The following PAX5 variants were observed in gnomAD, a reference collection of about 807,000 sequenced individuals.
The protein encoded by PAX5 is paired box 5, also known as paired box protein Pax-5.
Under a neutral mutation model 43.7 loss-of-function variants are expected in PAX5, and 9 were observed. The ratio of observed to expected loss-of-function variants is 0.21; its 90% CI spans 0.12 to 0.36. The LOEUF (loss-of-function observed/expected upper bound fraction) is 0.36. Ranked by LOEUF, PAX5 falls within the 10% of genes least tolerant of loss-of-function variation. PAX5 has a pLI of 1.00. For missense variants in PAX5, 383 were observed against 532.7 expected, an observed-to-expected ratio of 0.72 and a Z score of 2.77; for synonymous variants, 228 against 214.3, an observed-to-expected ratio of 1.06 and a Z score of -0.56.
intron 7 of PAX5, among the ~76,000 whole-genome samples, chr9:36,910,744 G>A (rs989301727): frequency 6.6e-6 from 1 of 152,140 alleles, no homozygotes; most frequent in Non-Finnish European, 1.5e-5. Flanking sequence ...TTGAGGTAGT[G>A]AAATCCCCAA....
intron 4 of PAX5, 64 bp downstream of exon 4, chr9:37,006,408 TA>T: frequency 8.3e-7 from 1 of 1,202,924 alleles, no homozygotes; most frequent in Non-Finnish European, 1.2e-6. Context: ...TAAGAATGAT[TA>T]AAAGTTCTTT....
At chr9:36,879,622 T>C (rs565211350) in intron 8 of PAX5, among the ~76,000 whole-genome samples, 119 of 152,288 alleles carry the variant, frequency 7.8e-4, no homozygotes, top group African/African-American at 2.7e-3. Context: ...TCCTGCAAGC[T>C]GCACAGCCCC....
intron 8 of PAX5, among the ~76,000 whole-genome samples, chr9:36,876,408 G>A (rs1260820250): frequency 6.6e-6 from 1 of 152,180 alleles, no homozygotes; most frequent in African/African-American, 2.4e-5. Context: ...TGGGCCATGA[G>A]GGATGGGGCA....
intron 1 of PAX5, 141 bp from the exon 2 acceptor site, chr9:37,020,942 T>A: frequency 1.3e-6 from 1 of 770,336 alleles, no homozygotes; most frequent in Non-Finnish European, 2.1e-6. Flanking sequence ...AGTCCAATCG[T>A]GCAAACTACA....
intron 2 of PAX5, among the ~76,000 whole-genome samples, chr9:37,020,413 T>C (rs556468013): frequency 6.6e-6 from 1 of 152,288 alleles, no homozygotes; most frequent in East Asian, 1.9e-4. Context: ...TCAGAAAACA[T>C]GTCTTCCCTC....
At chr9:36,981,988 G>C (rs1226293840) in intron 5 of PAX5, among the ~76,000 whole-genome samples, 2 of 152,270 alleles carry the variant, frequency 1.3e-5, no homozygotes, top group African/African-American at 2.4e-5. Flanking sequence ...ACAAGGGATG[G>C]ACCCTGTGGC....
intron 6 of PAX5, among the ~76,000 whole-genome samples, chr9:36,946,037 A>G (rs988881578): frequency 6.6e-6 from 1 of 152,060 alleles, no homozygotes; most frequent in African/African-American, 2.4e-5. Context: ...AACAGCACGC[A>G]GGAAACTCTG....
chr9:36,943,525 A>AACAC (rs1554668803), intron 6 of PAX5, among the ~76,000 whole-genome samples: 1 of 32,286 alleles, frequency 3.1e-5, no homozygotes, highest in Non-Finnish European at 1.0e-4. Context: ...GGATTAGTTC[A>AACAC]ACATACACAC....
chr9:37,016,435 G>A (rs1439739761), intron 2 of PAX5, among the ~76,000 whole-genome samples: 1 of 152,152 alleles, frequency 6.6e-6, no homozygotes, highest in Admixed American at 6.5e-5. Context: ...CCTCCCCTGA[G>A]GTAAATGGCT....
chr9:36,992,399 T>C (rs1201645618), intron 5 of PAX5, among the ~76,000 whole-genome samples: 1 of 152,124 alleles, frequency 6.6e-6, no homozygotes, highest in African/African-American at 2.4e-5. Flanking sequence ...AGAGCTAAGC[T>C]GGATGGGGAG....
At chr9:36,914,084 C>T (rs1375228345) in intron 7 of PAX5, among the ~76,000 whole-genome samples, 2 of 152,184 alleles carry the variant, frequency 1.3e-5, no homozygotes, top group Non-Finnish European at 2.9e-5. Context: ...GGGGCTTCTC[C>T]CTGCCTGAGG....
At chr9:36,853,856 G>T (rs1268036093) in intron 8 of PAX5, among the ~76,000 whole-genome samples, 1 of 152,232 alleles carries the variant, frequency 6.6e-6, no homozygotes, top group African/African-American at 2.4e-5. Flanking sequence ...TGGCAAGAAA[G>T]TCAAAGTTTC....
intron 6 of PAX5, among the ~76,000 whole-genome samples, chr9:36,931,472 G>C (rs1831117927): frequency 6.6e-6 from 1 of 152,244 alleles, no homozygotes; most frequent in South Asian, 2.1e-4. Context: ...GTAGGTTAAA[G>C]GAGGCTTAGA....
chr9:36,902,772 C>A (rs971322864), intron 7 of PAX5, among the ~76,000 whole-genome samples: 9 of 152,264 alleles, frequency 5.9e-5, no homozygotes, highest in African/African-American at 2.2e-4. Flanking sequence ...TCTACCCCCA[C>A]CCACACTGGC....
intron 5 of PAX5, among the ~76,000 whole-genome samples, chr9:36,975,568 G>A (rs1462697431): frequency 1.3e-5 from 2 of 151,998 alleles, no homozygotes; most frequent in African/African-American, 2.4e-5. Context: ...TGCATTTTTA[G>A]TAGAGACGGG....
At chr9:36,931,806 G>A (rs569445001) in intron 6 of PAX5, among the ~76,000 whole-genome samples, 3 of 147,664 alleles carry the variant, frequency 2.0e-5, no homozygotes, top group South Asian at 2.2e-4. Context: ...AGCCGAGATC[G>A]AGCCACTGCA....
chr9:37,026,661 C>T, intron 1 of PAX5: 1 of 1,347,818 alleles, frequency 7.4e-7, no homozygotes, highest in East Asian at 3.6e-5. Flanking sequence ...GCCTCGCCAC[C>T]AGGCCAGGCA....
chr9:36,969,758 G>A (rs1460574466), intron 5 of PAX5, among the ~76,000 whole-genome samples: 2 of 152,240 alleles, frequency 1.3e-5, no homozygotes, highest in East Asian at 1.9e-4. Flanking sequence ...CGAGGTGGGT[G>A]GACTGCCCTC....
At chr9:37,008,976 G>T (rs1838704396) in intron 3 of PAX5, among the ~76,000 whole-genome samples, 1 of 152,104 alleles carries the variant, frequency 6.6e-6, no homozygotes. Flanking sequence ...TGTCTACAGA[G>T]ATATTGCTGG....
Sources: gnomAD v4.1 joint callset for allele counts (sites outside exome capture counted in the v4.1 genomes callset) on GRCh38, gnomAD v4.1.1 for gene constraint, MANE v1.5 for transcripts, NCBI Gene and HGNC (gene_info 2026-07-23, HGNC 2026-07-21) for gene names.